CNTRL: variants seen among roughly 807,000 people sequenced by gnomAD.
The protein encoded by CNTRL is 110 kDa centrosomal protein.
In CNTRL, 233 loss-of-function variants were observed where a neutral mutation model predicts 303.7. The ratio of observed to expected loss-of-function variants is 0.77; its 90% CI spans 0.69 to 0.86. The LOEUF is 0.86. Ranked by LOEUF, CNTRL falls within the 40% of genes least tolerant of loss-of-function variation. CNTRL has a pLI of 0.00. For missense variants in CNTRL, 2,524 were observed against 2,650.6 expected (o/e 0.95, Z 1.05); for synonymous variants, 900 against 922.2 (o/e 0.98, Z 0.44).
chr9:121,076,161 T>C (rs1283206057), intron 1 of CNTRL, among the ~76,000 whole-genome samples: 1 of 152,214 alleles, frequency 6.6e-6, no homozygotes, highest in East Asian at 1.9e-4. Flanking sequence ...ATAATGGTTA[T>C]AAAATGCTAT....
chr9:121,146,804 A>C lies in CNTRL; in HGVS notation c.3459+548A>C, dbSNP rs1451735297. On this transcript the variant is annotated intron_variant, in intron 23 of 43. Transcript: ENST00000373855. ...TAAGGATTCATCTGATGGGAAGTTC[A>C]GGAAGGAATGCTTCACAAGCAGGGA... Among the ~76,000 whole-genome samples, 3 of 152,354 alleles carry C rather than the reference A, an allele frequency of 2.0e-5. No homozygotes were observed. The East Asian group carries it at 5.8e-4, about 29-fold the overall frequency.
chr9:121,075,334 G>A (rs1044650207), intron 1 of CNTRL, among the ~76,000 whole-genome samples: 1 of 152,260 alleles, frequency 6.6e-6, no homozygotes, highest in African/African-American at 2.4e-5. Flanking sequence ...CAGAGTGTGG[G>A]GAGGTGTGGA....
rs747035687 is a variant in CNTRL, at chr9:121,135,808, G to A, written c.2028G>A (p.Glu676=). The change falls in exon 15 of 44, where the codon GAG becomes GAA. Residue 676 remains glutamate (E), a splice_region_variant and synonymous_variant. Transcript: ENST00000373855. ...TTAAACCCACTGAATCTTTCTAGGA[G>A]CTTGCAGAGCTAGAAAGTGCCCTCC... ...VAMDAENMRK[E]LAELESALQE... The A allele has an allele frequency of 3.1e-6, 5 of 1,609,048 alleles. No homozygotes were observed. In the South Asian group the frequency reaches 4.4e-5, roughly 14 times the overall value.
At chr9:121,176,259 T>C (rs1170665929) in intron 43 of CNTRL, among the ~76,000 whole-genome samples, 1 of 152,204 alleles carries the variant, frequency 6.6e-6, no homozygotes, top group Non-Finnish European at 1.5e-5. Flanking sequence ...TGCGGGCTAA[T>C]CTATCTTTAC....
intron 10 of CNTRL, among the ~76,000 whole-genome samples, chr9:121,114,681 T>G (rs894154375): frequency 6.6e-6 from 1 of 152,200 alleles, no homozygotes; most frequent in Non-Finnish European, 1.5e-5. Context: ...TTCTTGATAT[T>G]GAATTCCATC....
chr9:121,077,952 G>GA (rs987557403), intron 1 of CNTRL, among the ~76,000 whole-genome samples: 3 of 150,970 alleles, frequency 2.0e-5, no homozygotes, highest in South Asian at 2.1e-4. Flanking sequence ...CCTCAGGGGG[G>GA]AAAAAAACGC....
intron 25 of CNTRL, among the ~76,000 whole-genome samples, chr9:121,151,858 C>G (rs2052283062): frequency 6.6e-6 from 1 of 152,200 alleles, no homozygotes; most frequent in African/African-American, 2.4e-5. Context: ...ATAGGTCAGA[C>G]TAGTTTTAGA....
chr9:121,157,620 C>T lies in CNTRL; in HGVS notation c.4496+20C>T, dbSNP rs1163885700. On this transcript the variant is annotated intron_variant, in intron 28 of 43. Coordinates refer to ENST00000373855, the MANE Select transcript of CNTRL (RefSeq NM_007018.6). ...GCTAAGGTAGGTGGATTCCCTAAGCCGTTGATGTATACATTGAGATGAATG... is the reference window on the plus strand; with the variant it reads ...GCTAAGGTAGGTGGATTCCCTAAGCTGTTGATGTATACATTGAGATGAATG... The T allele has an allele frequency of 4.3e-6, 7 of 1,611,818 alleles. No homozygotes were observed. Among genetic ancestry groups the T allele is most frequent in the East Asian group, 2.2e-5 (1 of 44,882 alleles).
At chr9:121,086,912 CA>C (rs1363098917) in intron 2 of CNTRL, among the ~76,000 whole-genome samples, 1 of 152,124 alleles carries the variant, frequency 6.6e-6, no homozygotes, top group Non-Finnish European at 1.5e-5. Flanking sequence ...CTCGGCCTCC[CA>C]AAGTGCGGGG....
Position 121,088,296 on chromosome 9 carries a change from G to A in CNTRL, c.-31G>A, listed in dbSNP as rs1208668984. ...TTGAATATACTGAAAACTCTTACAG[G>A]TTTTGATGAACACCTGGCTTTATTC... On this transcript the variant is annotated splice_region_variant and 5_prime_UTR_variant, in exon 3 of 44. Transcript: ENST00000373855. 1.4e-6 allele frequency: 2 copies of A among 1,386,684 alleles called. No individual in the cohort carries two copies. The highest frequency in any genetic ancestry group is 2.0e-6 in the Non-Finnish European group (2 of 977,580). The allele number at this position is 1,386,684 out of a possible 1,614,324, so 85.9% of individuals were successfully genotyped here.
At chr9:121,147,237 A>C (rs2051923327) in intron 23 of CNTRL, among the ~76,000 whole-genome samples, 1 of 152,174 alleles carries the variant, frequency 6.6e-6, no homozygotes, top group Non-Finnish European at 1.5e-5. Context: ...TCCTGACCTC[A>C]GGTGATCTGC....
Position 121,160,236 on chromosome 9 carries a change from C to A in CNTRL, c.5023C>A (p.Gln1675Lys). 4 of 1,557,844 alleles carry A rather than the reference C, an allele frequency of 2.6e-6. No homozygotes were observed. Among genetic ancestry groups the A allele is most frequent in the Non-Finnish European group, 3.5e-6 (4 of 1,157,604 alleles). The change falls in exon 32 of 44, where the codon CAG becomes AAG. Residue 1675 changes from glutamine (Q) to lysine (K), a missense_variant. Physicochemically the swap from Gln to Lys is moderately conservative, Grantham distance 53. Transcript: ENST00000373855. ...AAAAACTCAACTTACACTTATAAAG[C>A]AGGAAATTGAAAAAGAGGAAGAAAA... is the stretch of plus-strand genomic sequence containing the variant. Reference protein sequence around the residue: ...ERKTQLTLIKQEIEKEEENLQ... With the variant: ...ERKTQLTLIKKEIEKEEENLQ...
At chr9:121,106,104 C>G (rs748314090) in intron 7 of CNTRL, among the ~76,000 whole-genome samples, 1 of 151,876 alleles carries the variant, frequency 6.6e-6, no homozygotes, top group Admixed American at 6.6e-5. Context: ...TTTGGGAGGC[C>G]GAGGCAGATG....
intron 7 of CNTRL, among the ~76,000 whole-genome samples, chr9:121,106,104 C>T (rs748314090): frequency 4.0e-5 from 6 of 151,876 alleles, no homozygotes; most frequent in Admixed American, 6.6e-5. Context: ...TTTGGGAGGC[C>T]GAGGCAGATG....
Position 121,113,610 on chromosome 9 carries a change from G to A in CNTRL, c.1231G>A (p.Val411Ile). 1 of 1,609,884 alleles carries A rather than the reference G, an allele frequency of 6.2e-7. No individual in the cohort carries two copies. Among genetic ancestry groups the A allele is most frequent in the Non-Finnish European group, 8.5e-7 (1 of 1,178,588 alleles). The change falls in exon 10 of 44, where the codon GTA becomes ATA. Residue 411 changes from valine (V) to isoleucine (I), a missense_variant. By Grantham distance (29) the Val-to-Ile change is conservative. Transcript: ENST00000373855. Reference protein sequence around the residue: ...ESYIIDSAQAVQIKKMEPDEQ... With the variant: ...ESYIIDSAQAIQIKKMEPDEQ... ...TTATATTATTGACAGTGCTCAGGCA[G>A]TACAGATCAAGAAGATGGAGCCAGA...
In CNTRL at chr9:121,167,479, T is replaced by A. The variant is rs1564301046; in HGVS notation, c.5656-10T>A. ...TTATTAGTAGTTTCCACTTGTTCTTTCACCTAAAGGACCTGCTTCACACCA... is the reference window on the plus strand; with the variant it reads ...TTATTAGTAGTTTCCACTTGTTCTTACACCTAAAGGACCTGCTTCACACCA... On this transcript the variant is annotated splice_polypyrimidine_tract_variant and intron_variant, in intron 36 of 43. Transcript: ENST00000373855. The A allele has an allele frequency of 6.2e-7, 1 of 1,606,058 alleles. No homozygotes were observed. Among genetic ancestry groups the A allele is most frequent in the Non-Finnish European group, 8.5e-7 (1 of 1,176,636 alleles).
At chr9:121,086,776 C>T (rs2048361333) in intron 2 of CNTRL, among the ~76,000 whole-genome samples, 1 of 151,916 alleles carries the variant, frequency 6.6e-6, no homozygotes, top group Admixed American at 6.6e-5. Context: ...CCCCTCGACC[C>T]CAAGTAGCTG....
chr9:121,172,543 A>AG (rs1166972283), intron 40 of CNTRL, among the ~76,000 whole-genome samples: 7 of 152,052 alleles, frequency 4.6e-5, no homozygotes, highest in Non-Finnish European at 7.4e-5. Flanking sequence ...CGGGAGGCTG[A>AG]GGGGGGAGGA....
intron 1 of CNTRL, among the ~76,000 whole-genome samples, chr9:121,078,454 T>A (rs1204645568): frequency 1.3e-5 from 2 of 152,132 alleles, no homozygotes; most frequent in Non-Finnish European, 2.9e-5. Context: ...TTAAACTCAA[T>A]TTCTCCCACT....
Sources: gnomAD v4.1 joint callset for allele counts (sites outside exome capture counted in the v4.1 genomes callset) on GRCh38, gnomAD v4.1.1 for gene constraint, MANE v1.5 for transcripts, NCBI Gene and HGNC (gene_info 2026-07-23, HGNC 2026-07-21) for gene names.